DYNC1I1: variants seen among roughly 807,000 people sequenced by gnomAD.
The protein encoded by DYNC1I1 is dynein cytoplasmic 1 intermediate chain 1, also known as cytoplasmic dynein 1 intermediate chain 1.
A neutral mutation model predicts 86.6 loss-of-function variants in DYNC1I1; 43 were observed. The observed-to-expected ratio is 0.50, with a 90% CI of 0.39 to 0.64. The LOEUF is 0.64. DYNC1I1 is among the 30% of genes least tolerant of loss of function. The probability of loss-of-function intolerance (pLI) is 0.00; values close to 1 mark genes in which losing one functional copy is unlikely to be tolerated. For missense variants in DYNC1I1, 604 were observed against 788.8 expected, an observed-to-expected ratio of 0.77 and a Z score of 2.81; for synonymous variants, 262 against 283.7, an observed-to-expected ratio of 0.92 and a Z score of 0.77.
intron 16 of DYNC1I1, among the ~76,000 whole-genome samples, chr7:96,080,967 G>T (rs1257591178): frequency 6.6e-6 from 1 of 151,710 alleles, no homozygotes; most frequent in African/African-American, 2.4e-5. Flanking sequence ...CTACTCAGGA[G>T]GCTGAGGCAG....
intron 10 of DYNC1I1, among the ~76,000 whole-genome samples, chr7:95,999,792 C>T (rs1793965247): frequency 6.6e-6 from 1 of 152,042 alleles, no homozygotes; most frequent in South Asian, 2.1e-4. Flanking sequence ...TGTTGTGTTT[C>T]CTGATCCCAT....
chr7:96,056,785 C>CT (rs1331313950), intron 14 of DYNC1I1, among the ~76,000 whole-genome samples: 1 of 151,950 alleles, frequency 6.6e-6, no homozygotes, highest in Non-Finnish European at 1.5e-5. Flanking sequence ...AAGTTAAAGT[C>CT]AACAAGCATC....
intron 16 of DYNC1I1, among the ~76,000 whole-genome samples, 165 bp downstream of exon 16, chr7:96,080,653 A>C (rs1303639783): frequency 6.6e-6 from 1 of 152,174 alleles, no homozygotes; most frequent in Non-Finnish European, 1.5e-5. Context: ...CTTAGGGCCT[A>C]ATTTGATCTT....
chr7:95,824,850 A>G (rs2115907870), intron 4 of DYNC1I1, among the ~76,000 whole-genome samples: 1 of 152,324 alleles, frequency 6.6e-6, no homozygotes, highest in South Asian at 2.1e-4. Flanking sequence ...ACACAGAAGG[A>G]ATTCGGCGAA....
intron 16 of DYNC1I1, among the ~76,000 whole-genome samples, chr7:96,090,183 G>A (rs867295218): frequency 1.3e-5 from 2 of 152,098 alleles, no homozygotes; most frequent in African/African-American, 4.8e-5. Context: ...ATACAAATGT[G>A]AAGAAGACTA....
At chr7:95,892,706 C>G (rs192414819) in intron 6 of DYNC1I1, among the ~76,000 whole-genome samples, 1,720 of 152,310 alleles carry the variant, frequency 0.011, 34 homozygotes, top group African/African-American at 0.039. Flanking sequence ...CTTGGCCTTC[C>G]AAAGTGCTGG....
chr7:95,954,955 C>CT (rs1390158686), intron 6 of DYNC1I1, among the ~76,000 whole-genome samples: 4 of 140,956 alleles, frequency 2.8e-5, no homozygotes, highest in African/African-American at 7.8e-5. Flanking sequence ...TGGACAATGA[C>CT]TTTTTTTGCC....
At chr7:95,984,520 AC>A (rs1226511029) in intron 7 of DYNC1I1, among the ~76,000 whole-genome samples, 1 of 152,156 alleles carries the variant, frequency 6.6e-6, no homozygotes, top group Non-Finnish European at 1.5e-5. Context: ...GTTAAAAAAA[AC>A]ATTTAGAACT....
chr7:95,810,175 A>G (rs1338551436), intron 2 of DYNC1I1, among the ~76,000 whole-genome samples: 2 of 152,158 alleles, frequency 1.3e-5, no homozygotes, highest in Non-Finnish European at 2.9e-5. Flanking sequence ...CACGTGATAG[A>G]AGCAGGAAAA....
In DYNC1I1 at chr7:95,965,388, A is replaced by C. The variant is rs142857982; in HGVS notation, c.491-12124A>C. On this transcript the variant is annotated intron_variant, in intron 6 of 16. Coordinates refer to ENST00000447467, the MANE Select transcript of DYNC1I1 (RefSeq NM_001135556.2). Reference sequence around the variant, plus strand: ...AACAGAATGGAATGTGGAGCTTCAAAAACTGGAGTTCAAAAATCTGCCTTT... The same window carrying C: ...AACAGAATGGAATGTGGAGCTTCAACAACTGGAGTTCAAAAATCTGCCTTT... 7.2e-3 allele frequency among the ~76,000 whole-genome samples: 1,098 copies of C among 152,332 alleles called. 32 individuals carry two copies. Among genetic ancestry groups the C allele is most frequent in the Admixed American group, 0.035 (536 of 15,288 alleles).
intron 16 of DYNC1I1, among the ~76,000 whole-genome samples, chr7:96,103,651 C>T (rs1437287087): frequency 2.7e-5 from 4 of 150,074 alleles, no homozygotes; most frequent in African/African-American, 7.4e-5. Flanking sequence ...CTCGCTCTGT[C>T]GCCCAAGCTG....
intron 16 of DYNC1I1, among the ~76,000 whole-genome samples, chr7:96,091,371 G>T (rs1790840513): frequency 6.6e-6 from 1 of 152,120 alleles, no homozygotes; most frequent in Non-Finnish European, 1.5e-5. Context: ...TAACATGATA[G>T]TCTCACACAC....
At chr7:95,848,714 G>A (rs566706977) in intron 5 of DYNC1I1, among the ~76,000 whole-genome samples, 37 of 152,014 alleles carry the variant, frequency 2.4e-4, no homozygotes, top group Admixed American at 7.2e-4. Context: ...TCTCTGACAT[G>A]CTTATTTTAT....
intron 6 of DYNC1I1, among the ~76,000 whole-genome samples, chr7:95,934,868 G>T (rs1411998181): frequency 1.3e-5 from 2 of 151,650 alleles, no homozygotes; most frequent in Non-Finnish European, 2.9e-5. Context: ...AAAAGGAAAT[G>T]ACTTGTAGCA....
intron 4 of DYNC1I1, among the ~76,000 whole-genome samples, chr7:95,825,442 T>C (rs1245328333): frequency 6.6e-6 from 1 of 152,176 alleles, no homozygotes; most frequent in African/African-American, 2.4e-5. Context: ...AGTCTGCTCT[T>C]TTGTCTACAG....
chr7:95,813,364 T>C (rs1264116189), intron 4 of DYNC1I1, 27 bp downstream of exon 4: 2 of 1,568,994 alleles, frequency 1.3e-6, no homozygotes, highest in Non-Finnish European at 8.6e-7. Context: ...TAAAAGGCCA[T>C]GATGGGTGTC....
At chr7:95,792,725 C>A (rs1435786833) in intron 1 of DYNC1I1, among the ~76,000 whole-genome samples, 1 of 152,098 alleles carries the variant, frequency 6.6e-6, no homozygotes, top group African/African-American at 2.4e-5. Flanking sequence ...AGCCAATGAA[C>A]CTAAGATAAG....
intron 7 of DYNC1I1, among the ~76,000 whole-genome samples, 177 bp downstream of exon 7, chr7:95,977,778 G>A (rs545659003): frequency 4.1e-4 from 63 of 152,260 alleles, no homozygotes; most frequent in African/African-American, 1.5e-3. Flanking sequence ...TCCAAAGCAA[G>A]AGTCATTTAT....
intron 14 of DYNC1I1, among the ~76,000 whole-genome samples, chr7:96,064,386 T>G (rs575934746): frequency 3.9e-5 from 6 of 152,156 alleles, no homozygotes; most frequent in Non-Finnish European, 8.8e-5. Flanking sequence ...GTCCCTGTGA[T>G]CCACAGGAAA....
Sources: allele counts gnomAD v4.1 joint callset (sites outside exome capture counted in the v4.1 genomes callset), GRCh38; gene constraint gnomAD v4.1.1; transcripts MANE v1.5; gene names NCBI Gene and HGNC (gene_info 2026-07-23, HGNC 2026-07-21).